The following ZEB1 variants were observed in gnomAD, a reference collection of about 807,000 sequenced individuals.
ZEB1 encodes the protein zinc finger E-box-binding homeobox 1.
Under a neutral mutation model 84.9 loss-of-function variants are expected in ZEB1, and 21 were observed. The ratio of observed to expected loss-of-function variants is 0.25; its 90% CI spans 0.18 to 0.36. The LOEUF (loss-of-function observed/expected upper bound fraction) is 0.36, where lower values mean the gene tolerates loss of function less well. Among genes scored for constraint, ZEB1 ranks in the 10% least tolerant of loss-of-function variants. The pLI is 1.00. For missense variants in ZEB1, 1,104 were observed against 1,330.2 expected (o/e 0.83, Z 2.65); for synonymous variants, 420 against 471.1 (o/e 0.89, Z 1.41).
In ZEB1 at chr10:31,520,012, A is replaced by G. The variant is rs984785955; in HGVS notation, c.794-114A>G. 29 of 1,348,072 alleles carry G rather than the reference A, an allele frequency of 2.2e-5. No homozygotes were observed. The East Asian group carries it at 7.2e-4, about 34-fold the overall frequency. The allele number at this position is 1,348,072 out of a possible 1,614,324, so 83.5% of individuals were successfully genotyped here. A position where few individuals can be genotyped will look rare whatever the true frequency, so the allele number is the denominator to read the frequency against. ...TTCTAAATACAGTTCTGTCACAAGC[A>G]TGCATGGCAGTCTTCTTTTTAAAAT... On this transcript the variant is annotated intron_variant, in intron 6 of 8. Coordinates refer to ENST00000424869, the MANE Select transcript of ZEB1 (RefSeq NM_001174096.2). This position sits in a 1 kb window ranked among gnomAD's most constrained non-coding sequence, Gnocchi z 5.1.
In ZEB1 at chr10:31,419,184, G is replaced by T. The variant is rs573467416; in HGVS notation, c.59-41853G>T. On this transcript the variant is annotated intron_variant, in intron 1 of 8. Coordinates refer to ENST00000424869, the MANE Select transcript of ZEB1 (RefSeq NM_001174096.2). ...TCACTTACATTGAGAGATCTGTAAA[G>T]AAATGACATTTAGATAGAAACTTAA... is the stretch of plus-strand genomic sequence containing the variant. Among the ~76,000 whole-genome samples the T allele has an allele frequency of 2.6e-5, 4 of 152,232 alleles. No individual in the cohort carries two copies. In the South Asian group the frequency reaches 8.3e-4, roughly 32 times the overall value.
intron 5 of ZEB1, among the ~76,000 whole-genome samples, chr10:31,514,125 C>A (rs1283709694): frequency 6.6e-6 from 1 of 151,894 alleles, no homozygotes; most frequent in Non-Finnish European, 1.5e-5. Flanking sequence ...ATAGAAGAGA[C>A]AGGATAAAGT....
intron 1 of ZEB1, chr10:31,387,413 A>C: frequency 1.7e-6 from 1 of 579,530 alleles, no homozygotes; most frequent in Non-Finnish European, 2.2e-6. Flanking sequence ...CACATTCATC[A>C]AGAGGTGCTT....
Position 31,345,493 on chromosome 10 carries a change from A to G in ZEB1, c.58+26201A>G, listed in dbSNP as rs577500693. On this transcript the variant is annotated intron_variant, in intron 1 of 8. Coordinates refer to ENST00000424869, the MANE Select transcript of ZEB1 (RefSeq NM_001174096.2). ...GTGTTATGAGTTGTCCACCTGTATAAAACTACTTCCCAGAAGCCTTGATGT... is the reference window on the plus strand; with the variant it reads ...GTGTTATGAGTTGTCCACCTGTATAGAACTACTTCCCAGAAGCCTTGATGT... Among the ~76,000 whole-genome samples, 7 of 152,238 alleles carry G rather than the reference A, an allele frequency of 4.6e-5. No homozygotes were observed. In the South Asian group the frequency reaches 1.2e-3, roughly 27 times the overall value.
chr10:31,436,839 T>A (rs1012587110), intron 1 of ZEB1, among the ~76,000 whole-genome samples: 1 of 152,198 alleles, frequency 6.6e-6, no homozygotes, highest in African/African-American at 2.4e-5. Flanking sequence ...ATTTTCTATT[T>A]GTTTGTGTTT....
intron 1 of ZEB1, among the ~76,000 whole-genome samples, chr10:31,347,990 T>C (rs956841523): frequency 2.6e-5 from 4 of 152,238 alleles, no homozygotes; most frequent in Admixed American, 2.6e-4. Context: ...TGTTCTTTAA[T>C]CTTTGCTGTG....
intron 1 of ZEB1, among the ~76,000 whole-genome samples, chr10:31,418,241 A>G (rs1248284464): frequency 1.3e-5 from 2 of 151,944 alleles, no homozygotes; most frequent in Non-Finnish European, 2.9e-5. Flanking sequence ...ATGGCTAAAC[A>G]GAGGCAAGCA....
intron 1 of ZEB1, among the ~76,000 whole-genome samples, chr10:31,427,401 T>A (rs2057086502): frequency 6.6e-6 from 1 of 152,100 alleles, no homozygotes; most frequent in Non-Finnish European, 1.5e-5. Context: ...AGGGAAGGAC[T>A]GAAAAGTATG....
intron 1 of ZEB1, among the ~76,000 whole-genome samples, chr10:31,417,179 G>A (rs747194722): frequency 6.6e-6 from 1 of 152,072 alleles, no homozygotes; most frequent in Non-Finnish European, 1.5e-5. Context: ...ACTAAACTCA[G>A]CCTAAAAATT....
chr10:31,437,788 GT>G (rs1359069720), intron 1 of ZEB1, among the ~76,000 whole-genome samples: 3 of 152,184 alleles, frequency 2.0e-5, no homozygotes, highest in African/African-American at 2.4e-5. Context: ...ATGGTCAGGA[GT>G]TTTAAATTAC....
chr10:31,326,913 T>A (rs767759106), intron 1 of ZEB1, among the ~76,000 whole-genome samples: 4 of 152,086 alleles, frequency 2.6e-5, no homozygotes, highest in Non-Finnish European at 5.9e-5. Context: ...TTGGTCACTA[T>A]TCCCAATTTC....
chr10:31,352,204 A>G (rs1162353754), intron 1 of ZEB1, among the ~76,000 whole-genome samples: 2 of 152,166 alleles, frequency 1.3e-5, no homozygotes, highest in Admixed American at 1.3e-4. Flanking sequence ...TATTAAATTT[A>G]TCCAAAGTCA....
intron 4 of ZEB1, 28 bp downstream of exon 4, chr10:31,502,537 T>C (rs2068303409): frequency 6.2e-7 from 1 of 1,613,268 alleles, no homozygotes; most frequent in Non-Finnish European, 8.5e-7. Flanking sequence ...GTTGTGTTTC[T>C]TTCCCTCTTT....
intron 1 of ZEB1, among the ~76,000 whole-genome samples, chr10:31,409,081 C>T (rs1306966935): frequency 2.0e-5 from 3 of 152,136 alleles, no homozygotes; most frequent in African/African-American, 7.2e-5. Context: ...AAAAAGTGGG[C>T]AAAGGACATG....
At chr10:31,390,001 CA>C (rs2049342116) in intron 1 of ZEB1, among the ~76,000 whole-genome samples, 2 of 152,030 alleles carry the variant, frequency 1.3e-5, no homozygotes, top group Non-Finnish European at 1.5e-5. Context: ...TCATACATGC[CA>C]AAATCCACTG....
At chr10:31,367,772 A>G (rs1451372971) in intron 1 of ZEB1, among the ~76,000 whole-genome samples, 5 of 152,222 alleles carry the variant, frequency 3.3e-5, no homozygotes, top group African/African-American at 7.2e-5. Flanking sequence ...TGCTGACTCT[A>G]TATAGGAATA....
intron 1 of ZEB1, among the ~76,000 whole-genome samples, chr10:31,415,178 T>C (rs2054994118): frequency 6.6e-6 from 1 of 152,172 alleles, no homozygotes; most frequent in African/African-American, 2.4e-5. Context: ...ATATAAAGTC[T>C]ATGTTTTCAA....
intron 1 of ZEB1, among the ~76,000 whole-genome samples, chr10:31,347,098 T>C (rs2040446970): frequency 6.6e-6 from 1 of 152,080 alleles, no homozygotes; most frequent in Non-Finnish European, 1.5e-5. Context: ...TGGGGAGGTG[T>C]TAGGAAACTC....
chr10:31,441,637 A>C (rs2059002096), intron 1 of ZEB1, among the ~76,000 whole-genome samples: 1 of 152,066 alleles, frequency 6.6e-6, no homozygotes, highest in Admixed American at 6.6e-5. Context: ...AGAATGGGAA[A>C]AAATTTTTGC....
Sources: allele counts gnomAD v4.1 joint callset (sites outside exome capture counted in the v4.1 genomes callset), GRCh38; gene constraint gnomAD v4.1.1; non-coding constraint Gnocchi (gnomAD v3.1); transcripts MANE v1.5; gene names NCBI Gene and HGNC (gene_info 2026-07-23, HGNC 2026-07-21).